NFIB: variants seen among roughly 807,000 people sequenced by gnomAD.
NFIB encodes the protein nuclear factor I B.
A neutral mutation model predicts 61.5 loss-of-function variants in NFIB; 11 were observed. The ratio of observed to expected loss-of-function variants is 0.18; its 90% CI spans 0.11 to 0.30. The LOEUF (loss-of-function observed/expected upper bound fraction) is 0.30. NFIB is among the 10% of genes least tolerant of loss of function. NFIB has a pLI of 1.00. For synonymous variants in NFIB, 260 were observed against 216.5 expected (o/e 1.20, Z -1.76); for missense variants, 471 against 608.9 (o/e 0.77, Z 2.38).
intron 1 of NFIB, among the ~76,000 whole-genome samples, chr9:14,354,778 C>CTGTG (rs1491209406): frequency 7.9e-6 from 1 of 126,422 alleles, no homozygotes; most frequent in Non-Finnish European, 1.7e-5. Context: ...GTAATGGGTA[C>CTGTG]TCTGTGTGTG....
intron 3 of NFIB, among the ~76,000 whole-genome samples, chr9:14,175,777 C>T (rs1185400911): frequency 6.6e-6 from 1 of 152,120 alleles, no homozygotes; most frequent in African/African-American, 2.4e-5. Context: ...TAGAAAGGCC[C>T]CAAAAGTTTA....
chr9:14,447,426 T>C, the NFIB span, among the ~76,000 whole-genome samples: 1 of 152,174 alleles, frequency 6.6e-6, no homozygotes, highest in Non-Finnish European at 1.5e-5. Flanking sequence ...TTTATTTCTA[T>C]CATTCACCCG....
At chr9:14,130,184 T>C (rs185687338) in intron 6 of NFIB, among the ~76,000 whole-genome samples, 1 of 152,332 alleles carries the variant, frequency 6.6e-6, no homozygotes, top group East Asian at 1.9e-4. Flanking sequence ...AACCAGCAGC[T>C]GGCATCGTAT....
chr9:14,138,894 G>A (rs764078050), intron 6 of NFIB, among the ~76,000 whole-genome samples: 1 of 94,660 alleles, frequency 1.1e-5, no homozygotes, highest in Non-Finnish European at 2.2e-5. Context: ...GTTGATTTAT[G>A]TGTGTGTGTG....
Position 14,086,145 on chromosome 9 carries a change from GT to G in NFIB, c.*2163del, listed in dbSNP as rs963545418. On this transcript the variant is annotated 3_prime_UTR_variant, in exon 11 of 11. Coordinates refer to ENST00000380953, the MANE Select transcript of NFIB (RefSeq NM_001190737.2). ...GGGGAACCTGTGTAAGTTGAAGTTT[GT>G]CACAGTAGGCAGAACAGTCGCTTTG... 2.2e-5 allele frequency: 5 copies of G among 224,266 alleles called. No homozygotes were observed. The Admixed American group carries it at 2.3e-4, about 10-fold the overall frequency. The allele number at this position is 224,266 out of a possible 1,614,324, so 13.9% of individuals were successfully genotyped here. A position where few individuals can be genotyped will look rare whatever the true frequency, so the allele number is the denominator to read the frequency against.
intron 2 of NFIB, among the ~76,000 whole-genome samples, chr9:14,255,928 G>C (rs997603420): frequency 1.3e-5 from 2 of 152,176 alleles, no homozygotes; most frequent in African/African-American, 4.8e-5. Flanking sequence ...CACCATGCTA[G>C]CATAGTATTA....
intron 1 of NFIB, among the ~76,000 whole-genome samples, chr9:14,388,441 A>C (rs2061579779): frequency 7.3e-6 from 1 of 136,804 alleles, no homozygotes; most frequent in African/African-American, 2.7e-5. Context: ...AGAGAAAGAG[A>C]GAGGGAGAAA....
chr9:14,334,451 T>C (rs1317815145), intron 1 of NFIB, among the ~76,000 whole-genome samples: 1 of 152,224 alleles, frequency 6.6e-6, no homozygotes, highest in Non-Finnish European at 1.5e-5. Context: ...TGAGCACCTT[T>C]TCATCTGCTT....
At chr9:14,162,661 G>C (rs1338736599) in intron 3 of NFIB, among the ~76,000 whole-genome samples, 1 of 152,054 alleles carries the variant, frequency 6.6e-6, no homozygotes, top group African/African-American at 2.4e-5. Context: ...TTCATAAAAA[G>C]TTATTGAATG....
chr9:14,279,277 G>C (rs1161624482), intron 2 of NFIB, among the ~76,000 whole-genome samples: 1 of 152,052 alleles, frequency 6.6e-6, no homozygotes, highest in Non-Finnish European at 1.5e-5. Flanking sequence ...ATAATAAGAG[G>C]ATATTACATC....
Position 14,307,566 on chromosome 9 carries a change from A to T in NFIB, c.31-46T>A. On this transcript the variant is annotated intron_variant, in intron 1 of 10. Coordinates refer to ENST00000380953, the MANE Select transcript of NFIB (RefSeq NM_001190737.2). This position sits in a 1 kb window ranked among gnomAD's most constrained non-coding sequence, Gnocchi z 5.3. ...AGGAAAAGATGTGCATAGTCAGTTT[A>T]ATTTTAAAAGCTCAAAAAATAAGAA... The T allele has an allele frequency of 2.7e-6, 4 of 1,490,996 alleles. No individual in the cohort carries two copies. The highest frequency in any genetic ancestry group is 3.6e-6 in the Non-Finnish European group (4 of 1,119,926). 92.4% of individuals were successfully genotyped at this position (1,490,996 alleles called of 1,614,324 possible). A position where few individuals can be genotyped will look rare whatever the true frequency, so the allele number is the denominator to read the frequency against.
At chr9:14,172,559 T>C (rs749426071) in intron 3 of NFIB, among the ~76,000 whole-genome samples, 2 of 152,254 alleles carry the variant, frequency 1.3e-5, no homozygotes, top group Non-Finnish European at 2.9e-5. Context: ...CTGAGATTTA[T>C]GTAACAAAAG....
At chr9:14,341,461 C>G (rs2060949331) in intron 1 of NFIB, among the ~76,000 whole-genome samples, 1 of 152,054 alleles carries the variant, frequency 6.6e-6, no homozygotes, top group Admixed American at 6.5e-5. Flanking sequence ...AGCAGAGGCC[C>G]TCAATGAAAA....
At chr9:14,096,461 T>C (rs746433534) in intron 10 of NFIB, 6 of 152,160 alleles carry the variant, frequency 3.9e-5, no homozygotes, top group Non-Finnish European at 8.8e-5. Flanking sequence ...CGGAAAAAAG[T>C]TGTTTTCTTT....
the NFIB span, among the ~76,000 whole-genome samples, chr9:14,500,183 T>C: frequency 7.2e-5 from 11 of 151,972 alleles, no homozygotes; most frequent in South Asian, 4.2e-4. Flanking sequence ...CACAGAGAGG[T>C]TAGGTAACTT....
intron 6 of NFIB, among the ~76,000 whole-genome samples, chr9:14,138,899 TGTG>T (rs1357224120): frequency 6.6e-6 from 1 of 152,136 alleles, no homozygotes; most frequent in African/African-American, 2.4e-5. Flanking sequence ...TTTATGTGTG[TGTG>T]TGTGTGTGTA....
At chr9:14,314,959 C>G (rs2060471963), upstream of NFIB, among the ~76,000 whole-genome samples, 1 of 151,990 alleles carries the variant, frequency 6.6e-6, no homozygotes, top group African/African-American at 2.4e-5. Context: ...CCGTCTGAGC[C>G]CGAGAAAGGA....
chr9:14,247,187 A>G (rs1018518603), intron 2 of NFIB, among the ~76,000 whole-genome samples: 1 of 152,206 alleles, frequency 6.6e-6, no homozygotes, highest in African/African-American at 2.4e-5. Flanking sequence ...TGACAACCCA[A>G]GCTGACTAGG....
chr9:14,376,647 G>C (rs924593393), intron 1 of NFIB, among the ~76,000 whole-genome samples: 3 of 151,726 alleles, frequency 2.0e-5, no homozygotes, highest in Non-Finnish European at 4.4e-5. Context: ...CTCCCCAGTA[G>C]CTGGGATTAC....
Sources: gnomAD v4.1 joint callset for allele counts (sites outside exome capture counted in the v4.1 genomes callset) on GRCh38, gnomAD v4.1.1 for gene constraint, Gnocchi (gnomAD v3.1) non-coding constraint, MANE v1.5 for transcripts, NCBI Gene and HGNC (gene_info 2026-07-23, HGNC 2026-07-21) for gene names.